ESPNL: variants seen among roughly 807,000 people sequenced by gnomAD.
ESPNL encodes espin like.
In ESPNL, 49 loss-of-function variants were observed where a neutral mutation model predicts 46.8. The ratio of observed to expected loss-of-function variants is 1.05; its 90% CI spans 0.83 to 1.33. ESPNL has a LOEUF of 1.33. ESPNL is among the 40% of genes most tolerant of loss of function. The pLI is 0.00. For synonymous variants in ESPNL, 664 were observed against 662.1 expected, an observed-to-expected ratio of 1.00 and a Z score of -0.04; for missense variants, 1,540 against 1,436.6, an observed-to-expected ratio of 1.07 and a Z score of -1.16.
chr2:238,101,787 T>C (rs59060082), intron 1 of ESPNL, among the ~76,000 whole-genome samples, 154 bp from the exon 2 acceptor site: 22,322 of 147,674 alleles, frequency 0.15, 2,864 homozygotes, highest in East Asian at 0.41. Context: ...CCTCCCTCCA[T>C]GTTGCAGGCA....
intron 2 of ESPNL, among the ~76,000 whole-genome samples, chr2:238,103,010 G>A (rs1355908933): frequency 6.6e-6 from 1 of 152,234 alleles, no homozygotes; most frequent in Non-Finnish European, 1.5e-5. Context: ...GCTTGGCAAA[G>A]GCCTTTGGGA....
intron 2 of ESPNL, among the ~76,000 whole-genome samples, chr2:238,103,745 C>A (rs1281273330): frequency 6.6e-6 from 1 of 152,178 alleles, no homozygotes; most frequent in Non-Finnish European, 1.5e-5. Context: ...ATACTGGCAG[C>A]CCTTTGGGGC....
rs1034279361 is a variant in ESPNL at position 238,104,722 on chromosome 2, G to T, written c.552G>T (p.Leu184=). 1.9e-6 allele frequency: 3 copies of T among 1,607,878 alleles called. No homozygotes were observed. The highest frequency in any genetic ancestry group is 2.5e-6 in the Non-Finnish European group (3 of 1,178,364). The part of the protein sequence containing the change: ...PLYLACQEGH[L]HLAQFLVKDC... ...ACCTGGCCTGCCAGGAGGGCCACCT[G>T]CACCTGGCCCAGTTCCTGGTGAAGG... Residue 184 remains leucine, a synonymous_variant, in exon 3 of 9, where the codon CTG becomes CTT. Coordinates refer to ENST00000343063, the MANE Select transcript of ESPNL (RefSeq NM_194312.4).
chr2:238,128,570 C>T (rs906894130), intron 7 of ESPNL, 137 bp from the exon 8 acceptor site: 7 of 722,164 alleles, frequency 9.7e-6, no homozygotes, highest in Non-Finnish European at 1.6e-5. Flanking sequence ...CTGTCCGTGG[C>T]CCCCACTGTC....
At chr2:238,126,178 G>A (rs1391054357) in intron 6 of ESPNL, among the ~76,000 whole-genome samples, 1 of 150,918 alleles carries the variant, frequency 6.6e-6, no homozygotes, top group Non-Finnish European at 1.5e-5. Flanking sequence ...GATTGTGTTC[G>A]AGTGTGTGAT....
chr2:238,103,554 G>A (rs1001551086), intron 2 of ESPNL, among the ~76,000 whole-genome samples: 2 of 152,182 alleles, frequency 1.3e-5, no homozygotes, highest in African/African-American at 2.4e-5. Flanking sequence ...AGCAGCAGCC[G>A]AGAGGTGGCT....
intron 4 of ESPNL, 129 bp from the exon 5 acceptor site, chr2:238,116,774 C>T: frequency 1.6e-6 from 2 of 1,247,154 alleles, no homozygotes; most frequent in Non-Finnish European, 2.2e-6. Context: ...AGATTCAAGT[C>T]CTGCCCCTGC....
chr2:238,107,999 G>T (rs878134), intron 4 of ESPNL, 26 bp downstream of exon 4: 263,942 of 1,589,806 alleles, frequency 0.17, 23,617 homozygotes, highest in South Asian at 0.27. Context: ...GGGAGACAGG[G>T]TGAGCAGTCA....
At chr2:238,126,014 TTG>T (rs1692099632) in intron 6 of ESPNL, among the ~76,000 whole-genome samples, 3 of 151,076 alleles carry the variant, frequency 2.0e-5, no homozygotes, top group South Asian at 2.1e-4. Context: ...TCTGTGTATG[TTG>T]TGTCTGTGTC....
Position 238,104,788 on chromosome 2 carries a change from G to A in ESPNL, c.618G>A (p.Met206Ile), listed in dbSNP as rs138066040. ...ADVHLRALDG[M>I]SALHAAAARG... is the part of the protein sequence containing the mutation. ...TGCACCTTCGTGCTCTCGATGGCAT[G>A]AGCGCCCTGCACGCTGCCGCCGCCC... The change falls in exon 3 of 9, where the codon ATG becomes ATA. Residue 206 changes from methionine (M) to isoleucine (I), a missense_variant. Coordinates refer to ENST00000343063, the MANE Select transcript of ESPNL (RefSeq NM_194312.4). 714 of 1,589,208 alleles carry A rather than the reference G, an allele frequency of 4.5e-4. 2 individuals are homozygous for A. The highest frequency in any genetic ancestry group is 1.5e-3 in the Admixed American group (84 of 57,332).
intron 7 of ESPNL, among the ~76,000 whole-genome samples, chr2:238,128,425 C>T (rs1034146707): frequency 2.0e-5 from 3 of 152,336 alleles, no homozygotes; most frequent in Admixed American, 6.5e-5. Flanking sequence ...ATCTGCTGGG[C>T]TTGCACAGGG....
intron 2 of ESPNL, among the ~76,000 whole-genome samples, chr2:238,103,850 T>TC (rs976724491): frequency 6.6e-6 from 1 of 152,050 alleles, no homozygotes; most frequent in Admixed American, 6.6e-5. Context: ...AGGTCCTGTG[T>TC]CCCCCTTGCT....
rs1456285431 is a variant in ESPNL at position 238,130,655 on chromosome 2, G to A, written c.1941G>A (p.Glu647=). Residue 647 remains glutamate, a synonymous_variant, in exon 9 of 9, where the codon GAG becomes GAA. Transcript: ENST00000343063. Reference sequence around the variant, plus strand: ...GCGAGGCCCAGCGCCAGATCCAGGAGTGGGGGGTGTCTGTGCGGACGCTGC... The same window carrying A: ...GCGAGGCCCAGCGCCAGATCCAGGAATGGGGGGTGTCTGTGCGGACGCTGC... The part of the protein sequence containing the change: ...PRSEAQRQIQ[E]WGVSVRTLRG... 4.5e-6 allele frequency: 7 copies of A among 1,561,398 alleles called. No homozygotes were observed. The East Asian group carries it at 1.2e-4, about 26-fold the overall frequency.
Position 238,101,960 on chromosome 2 carries a change from T to G in ESPNL, c.314T>G (p.Val105Gly). The change falls in exon 2 of 9, where the codon GTC becomes GGC. Residue 105 changes from valine to glycine, a missense_variant. Coordinates refer to ENST00000343063, the MANE Select transcript of ESPNL (RefSeq NM_194312.4). ...TGGTAGGACCAAGATGCCTCGGGCG[T>G]CTCCCCGCTGCACCTGGCCGCCCGT... ...CGLQDQDASG[V>G]SPLHLAARFG... 6.2e-7 allele frequency: 1 copy of G among 1,609,192 alleles called. No homozygotes were observed. The highest frequency in any genetic ancestry group is 8.5e-7 in the Non-Finnish European group (1 of 1,179,324).
chr2:238,124,590 G>A (rs371795861), intron 5 of ESPNL, among the ~76,000 whole-genome samples: 1 of 151,648 alleles, frequency 6.6e-6, no homozygotes, highest in Non-Finnish European at 1.5e-5. Context: ...TGTGTGTGCA[G>A]GAGAGTGTAC....
At chr2:238,111,276 T>G (rs1243883606) in intron 4 of ESPNL, among the ~76,000 whole-genome samples, 1 of 152,186 alleles carries the variant, frequency 6.6e-6, no homozygotes, top group Non-Finnish European at 1.5e-5. Flanking sequence ...TTTTAATTGT[T>G]AAATTGTGAT....
Position 238,130,998 on chromosome 2 carries a change from G to T in ESPNL, c.2284G>T (p.Ala762Ser), listed in dbSNP as rs752485360. 5 of 1,544,712 alleles carry T rather than the reference G, an allele frequency of 3.2e-6. No individual in the cohort carries two copies. Among genetic ancestry groups the T allele is most frequent in the Non-Finnish European group, 4.4e-6 (5 of 1,145,996 alleles). The change falls in exon 9 of 9, where the codon GCC becomes TCC. Residue 762 changes from alanine (A) to serine (S), a missense_variant. By Grantham distance (99) the Ala-to-Ser change is moderately conservative (BLOSUM62 1). Transcript: ENST00000343063. Reference protein sequence around the residue: ...SAYTPALKTVACRTLGARHAG... With the variant: ...SAYTPALKTVSCRTLGARHAG... ...CTACACGCCGGCCCTCAAGACAGTGGCCTGCAGGACCCTAGGAGCCCGCCA... is the reference window on the plus strand; with the variant it reads ...CTACACGCCGGCCCTCAAGACAGTGTCCTGCAGGACCCTAGGAGCCCGCCA...
At chr2:238,124,752 TGCA>T (rs1182054875) in intron 5 of ESPNL, among the ~76,000 whole-genome samples, 1 of 150,988 alleles carries the variant, frequency 6.6e-6, no homozygotes, top group Non-Finnish European at 1.5e-5. Context: ...TGCATGTGTG[TGCA>T]GGAGAGTGTA....
chr2:238,131,893 T>C lies in ESPNL; in HGVS notation c.*161T>C. The C allele has an allele frequency of 1.3e-6, 1 of 767,316 alleles. No homozygotes were observed. Among genetic ancestry groups the C allele is most frequent in the South Asian group, 1.9e-5 (1 of 53,592 alleles). 47.5% of individuals were successfully genotyped at this position (767,316 alleles called of 1,614,324 possible). A position where few individuals can be genotyped will look rare whatever the true frequency, so the allele number is the denominator to read the frequency against. On this transcript the variant is annotated 3_prime_UTR_variant, in exon 9 of 9. Coordinates refer to ENST00000343063, the MANE Select transcript of ESPNL (RefSeq NM_194312.4). ...GCGGGACTGTTCTGTTGTGGCATGG[T>C]TCTCCTCCGAGCTGGGACTCAGACT...
Sources: gnomAD v4.1 joint callset for allele counts (sites outside exome capture counted in the v4.1 genomes callset) on GRCh38, gnomAD v4.1.1 for gene constraint, MANE v1.5 for transcripts, NCBI Gene and HGNC (gene_info 2026-07-23, HGNC 2026-07-21) for gene names.